Variants in SLC38A6 observed in about 807,000 individuals in gnomAD.
SLC38A6 encodes solute carrier family 38 member 6.
In SLC38A6, 73 loss-of-function variants were observed where a neutral mutation model predicts 65.0. The observed-to-expected ratio is 1.12, with a 90% CI of 0.93 to 1.37. The LOEUF (loss-of-function observed/expected upper bound fraction) is 1.37. SLC38A6 is among the 40% of genes most tolerant of loss of function. SLC38A6 has a pLI of 0.00. For missense variants in SLC38A6, 561 were observed against 531.1 expected (o/e 1.06, Z -0.55); for synonymous variants, 183 against 178.8 (o/e 1.02, Z -0.19).
chr14:60,988,474 G>A (rs1043307868), intron 3 of SLC38A6, among the ~76,000 whole-genome samples: 4 of 152,004 alleles, frequency 2.6e-5, no homozygotes, highest in Non-Finnish European at 5.9e-5. Flanking sequence ...TCCTTCTAAT[G>A]CTTTCAGTTC....
At chr14:61,062,821 C>G (rs1396389476) in intron 15 of SLC38A6, among the ~76,000 whole-genome samples, 2 of 152,174 alleles carry the variant, frequency 1.3e-5, no homozygotes, top group African/African-American at 2.4e-5. Flanking sequence ...GCTGGAATTA[C>G]AGGCGCACGC....
At chr14:61,006,653 G>A (rs1367624739) in intron 3 of SLC38A6, among the ~76,000 whole-genome samples, 27 of 152,284 alleles carry the variant, frequency 1.8e-4, no homozygotes, top group Admixed American at 9.8e-4. Context: ...TAGAATGGCA[G>A]TCATTAAAAA....
At chr14:61,015,582 C>G (rs1275816642) in intron 3 of SLC38A6, among the ~76,000 whole-genome samples, 1 of 152,144 alleles carries the variant, frequency 6.6e-6, no homozygotes, top group Non-Finnish European at 1.5e-5. Context: ...AAAACCGTCA[C>G]TACTGAGAAA....
At chr14:60,997,816 C>T (rs1374995750) in intron 3 of SLC38A6, among the ~76,000 whole-genome samples, 3 of 152,052 alleles carry the variant, frequency 2.0e-5, no homozygotes, top group Non-Finnish European at 4.4e-5. Context: ...CCGGCTTGAG[C>T]CACTGGATTA....
intron 12 of SLC38A6, among the ~76,000 whole-genome samples, chr14:61,049,655 T>TAA (rs1250306706): frequency 6.6e-6 from 1 of 152,188 alleles, no homozygotes; most frequent in Non-Finnish European, 1.5e-5. Context: ...CATCTCTTCT[T>TAA]AAAGTTCCCT....
At chr14:61,076,815 AT>A (rs1207855551) in intron 15 of SLC38A6, among the ~76,000 whole-genome samples, 6 of 152,340 alleles carry the variant, frequency 3.9e-5, no homozygotes, top group African/African-American at 1.2e-4. Flanking sequence ...TTCAGAGGAA[AT>A]TCTGGACAAA....
At chr14:61,023,211 A>G (rs950561364) in intron 5 of SLC38A6, among the ~76,000 whole-genome samples, 1 of 152,232 alleles carries the variant, frequency 6.6e-6, no homozygotes, top group Non-Finnish European at 1.5e-5. Flanking sequence ...TTAGAATTAT[A>G]TAAAAATTTA....
chr14:61,005,929 A>G (rs1162059268), intron 3 of SLC38A6, among the ~76,000 whole-genome samples: 3 of 152,178 alleles, frequency 2.0e-5, no homozygotes, highest in Non-Finnish European at 2.9e-5. Context: ...TTCAAACTAT[A>G]CTACAAGGCT....
At chr14:60,997,343 G>A in intron 3 of SLC38A6, among the ~76,000 whole-genome samples, 1 of 152,068 alleles carries the variant, frequency 6.6e-6, no homozygotes, top group East Asian at 1.9e-4. Flanking sequence ...GTAGAGATGG[G>A]GTTTCACCAT....
At chr14:61,025,272 A>G (rs1853036421) in intron 5 of SLC38A6, among the ~76,000 whole-genome samples, 1 of 152,190 alleles carries the variant, frequency 6.6e-6, no homozygotes, top group Non-Finnish European at 1.5e-5. Context: ...GATGCTAGAA[A>G]CTACTTGGAT....
chr14:61,035,081 T>C (rs898451946), intron 6 of SLC38A6, among the ~76,000 whole-genome samples: 1 of 152,158 alleles, frequency 6.6e-6, no homozygotes, highest in African/African-American at 2.4e-5. Context: ...AGTGGGAATT[T>C]TGAGATTATC....
intron 15 of SLC38A6, among the ~76,000 whole-genome samples, chr14:61,075,278 A>G (rs1288394447): frequency 6.6e-6 from 1 of 152,246 alleles, no homozygotes; most frequent in Non-Finnish European, 1.5e-5. Context: ...TTGTGTGAAC[A>G]GAATTGTGCA....
At chr14:61,073,794 CTG>C in intron 15 of SLC38A6, 1 of 151,978 alleles carries the variant, frequency 6.6e-6, no homozygotes, top group Middle Eastern at 3.4e-3. Flanking sequence ...GGTTTTCTAA[CTG>C]TGTGGGTCCA....
intron 8 of SLC38A6, among the ~76,000 whole-genome samples, chr14:61,038,060 A>G (rs1307620640): frequency 6.6e-6 from 1 of 152,062 alleles, no homozygotes; most frequent in African/African-American, 2.4e-5. Context: ...TAATTTTGAA[A>G]CTTTATTCCA....
chr14:61,011,747 G>A (rs975594708), intron 3 of SLC38A6, among the ~76,000 whole-genome samples: 2 of 152,172 alleles, frequency 1.3e-5, no homozygotes, highest in African/African-American at 4.8e-5. Flanking sequence ...TGATTATGGT[G>A]GATAAGCTTT....
chr14:60,984,696 G>A (rs1240368719), intron 2 of SLC38A6, 34 bp from the exon 3 acceptor site: 13 of 1,605,610 alleles, frequency 8.1e-6, no homozygotes, highest in South Asian at 5.5e-5. Flanking sequence ...CAAACTTTTG[G>A]GAGGTTTTGA....
intron 15 of SLC38A6, among the ~76,000 whole-genome samples, chr14:61,064,114 C>T (rs2042947507): frequency 6.6e-6 from 1 of 152,140 alleles, no homozygotes; most frequent in Admixed American, 6.5e-5. Context: ...TGAGTGCTTT[C>T]CCACAGTTTA....
chr14:61,036,606 A>G (rs2139717632), intron 6 of SLC38A6, among the ~76,000 whole-genome samples: 1 of 152,328 alleles, frequency 6.6e-6, no homozygotes, highest in East Asian at 1.9e-4. Context: ...ACTTAAATAA[A>G]ATAAAAATTT....
chr14:61,026,506 GAC>G (rs1361819500), intron 5 of SLC38A6, among the ~76,000 whole-genome samples: 4 of 152,112 alleles, frequency 2.6e-5, no homozygotes, highest in South Asian at 4.1e-4. Context: ...TAAAGCTTCT[GAC>G]TAATGTTCTC....
Sources: allele counts gnomAD v4.1 joint callset (sites outside exome capture counted in the v4.1 genomes callset), GRCh38; gene constraint gnomAD v4.1.1; transcripts MANE v1.5; gene names NCBI Gene and HGNC (gene_info 2026-07-23, HGNC 2026-07-21).